The following CADM2 variants were observed in gnomAD, a reference collection of about 807,000 sequenced individuals.
The protein encoded by CADM2 is immunoglobulin superfamily member 4D.
Under a neutral mutation model 49.8 loss-of-function variants are expected in CADM2, and 12 were observed. The observed-to-expected ratio is 0.24, with a 90% CI of 0.15 to 0.39. The LOEUF (loss-of-function observed/expected upper bound fraction) is 0.39. CADM2 is among the 10% of genes least tolerant of loss of function. The probability of loss-of-function intolerance (pLI) is 1.00; values close to 1 mark genes in which losing one functional copy is unlikely to be tolerated. For synonymous variants in CADM2, 214 were observed against 175.4 expected, an observed-to-expected ratio of 1.22 and a Z score of -1.74; for missense variants, 378 against 492.3, an observed-to-expected ratio of 0.77 and a Z score of 2.20.
At chr3:85,097,629 G>A (rs917253406) in intron 1 of CADM2, among the ~76,000 whole-genome samples, 1 of 152,062 alleles carries the variant, frequency 6.6e-6, no homozygotes, top group Non-Finnish European at 1.5e-5. Context: ...GTGTAAAAGT[G>A]TTCCTATTTC....
intron 1 of CADM2, among the ~76,000 whole-genome samples, chr3:85,191,453 C>T (rs1284131398): frequency 6.6e-6 from 1 of 151,972 alleles, no homozygotes; most frequent in African/African-American, 2.4e-5. Context: ...GTCTTCAGTA[C>T]AATGCTTTGA....
intron 1 of CADM2, among the ~76,000 whole-genome samples, chr3:85,230,892 T>C (rs2042271811): frequency 1.3e-5 from 2 of 152,088 alleles, no homozygotes; most frequent in South Asian, 4.1e-4. Context: ...AGGGCTGCCA[T>C]AAGAAAATGC....
intron 1 of CADM2, among the ~76,000 whole-genome samples, chr3:85,564,201 A>AT (rs2062186143): frequency 7.0e-6 from 1 of 142,238 alleles, no homozygotes; most frequent in Non-Finnish European, 1.5e-5. Flanking sequence ...CTCTCTCTCC[A>AT]TTTTAAAAAT....
chr3:84,982,733 A>G (rs1297415048), intron 1 of CADM2, among the ~76,000 whole-genome samples: 4 of 116,650 alleles, frequency 3.4e-5, no homozygotes, highest in Non-Finnish European at 7.2e-5. Flanking sequence ...ATATATATAT[A>G]TACATTTTTT....
intron 1 of CADM2, among the ~76,000 whole-genome samples, chr3:85,717,286 G>A (rs1032339653): frequency 4.5e-4 from 68 of 152,144 alleles, no homozygotes; most frequent in African/African-American, 1.6e-3. Flanking sequence ...TCATGATTTG[G>A]CTCTCTGTTT....
chr3:85,279,426 T>A (rs2043445696), intron 1 of CADM2, among the ~76,000 whole-genome samples: 1 of 151,528 alleles, frequency 6.6e-6, no homozygotes, highest in Non-Finnish European at 1.5e-5. Context: ...ACTCTTCAAA[T>A]GAGATTCAGT....
Position 85,617,073 on chromosome 3 carries a change from A to C in CADM2, c.62-109449A>C, listed in dbSNP as rs73843696. 9.4e-3 allele frequency among the ~76,000 whole-genome samples: 1,434 copies of C among 152,194 alleles called. 29 individuals carry two copies. The highest frequency in any genetic ancestry group is 0.033 in the African/African-American group (1,372 of 41,530). On this transcript the variant is annotated intron_variant, in intron 1 of 9. Transcript: ENST00000383699. ...AGGGAATTTCTCCCCACCAACAAACAAGCAATCAGTTCTTCCGTGGACGCC... is the reference window on the plus strand; with the variant it reads ...AGGGAATTTCTCCCCACCAACAAACCAGCAATCAGTTCTTCCGTGGACGCC...
chr3:85,572,706 CCAGCAGGACTGAAGTTGTCCAAGGA>C (rs1344809903), intron 1 of CADM2, among the ~76,000 whole-genome samples: 11 of 152,270 alleles, frequency 7.2e-5, no homozygotes, highest in Admixed American at 4.6e-4. Context: ...AGTCCAAAGG[CCAGCAGGACTGAAGTTGTCCAAGGA>C]CAGGAGAGAA....
At chr3:85,976,177 T>G (rs1035984836) in intron 8 of CADM2, among the ~76,000 whole-genome samples, 22 of 151,558 alleles carry the variant, frequency 1.5e-4, no homozygotes, top group Non-Finnish European at 2.8e-4. Flanking sequence ...CGGTATCATT[T>G]TACAAGGGAT....
At chr3:85,155,565 G>T (rs1276494667) in intron 1 of CADM2, among the ~76,000 whole-genome samples, 1 of 151,980 alleles carries the variant, frequency 6.6e-6, no homozygotes, top group Non-Finnish European at 1.5e-5. Flanking sequence ...CCCAGGAATT[G>T]AACTCAGCTC....
chr3:85,375,664 C>T (rs946603321), intron 1 of CADM2, among the ~76,000 whole-genome samples: 1 of 152,130 alleles, frequency 6.6e-6, no homozygotes. Context: ...CAAACGAACA[C>T]ATTTTGAATC....
At chr3:85,371,619 C>CTGTG (rs71108284) in intron 1 of CADM2, among the ~76,000 whole-genome samples, 4,686 of 124,414 alleles carry the variant, frequency 0.038, 223 homozygotes, top group African/African-American at 0.097. Context: ...CCACACATCA[C>CTGTG]TGTGTGTGTG....
chr3:85,767,952 T>A (rs1019161419), intron 2 of CADM2, among the ~76,000 whole-genome samples: 1 of 152,146 alleles, frequency 6.6e-6, no homozygotes, highest in African/African-American at 2.4e-5. Context: ...TTTATTAAAA[T>A]CTATACAACA....
At chr3:85,462,903 G>A (rs569996666) in intron 1 of CADM2, among the ~76,000 whole-genome samples, 2 of 152,206 alleles carry the variant, frequency 1.3e-5, no homozygotes, top group East Asian at 3.9e-4. Context: ...TAACCTAGTA[G>A]TTGTAGTTCA....
intron 2 of CADM2, among the ~76,000 whole-genome samples, chr3:85,748,974 G>A (rs935373090): frequency 2.0e-5 from 3 of 152,142 alleles, no homozygotes; most frequent in South Asian, 2.1e-4. Flanking sequence ...GATATCAACA[G>A]TGTCTTTAGA....
rs893703512 is a variant in CADM2, at chr3:85,353,551, GT to G, written c.62-372961del. Reference sequence around the variant, plus strand: ...TTTAGTTGATGGTTTCTTTTTTTTTGTTTTTTTTTTGCAGTGAGTTATTTTA... The same window carrying G: ...TTTAGTTGATGGTTTCTTTTTTTTTGTTTTTTTTTGCAGTGAGTTATTTTA... On this transcript the variant is annotated intron_variant, in intron 1 of 9. Coordinates refer to ENST00000383699, the MANE Select transcript of CADM2 (RefSeq NM_001167675.2). Among the ~76,000 whole-genome samples, 836 of 136,962 alleles carry G rather than the reference GT, an allele frequency of 6.1e-3. 5 individuals are homozygous for G. The highest frequency in any genetic ancestry group is 8.4e-3 in the Non-Finnish European group (528 of 62,534). The allele number at this position is 136,962 out of a possible 152,430, so 89.9% of individuals were successfully genotyped here. A position where few individuals can be genotyped will look rare whatever the true frequency, so the allele number is the denominator to read the frequency against.
At position 85,198,031 on chromosome 3, in the gene CADM2, G is replaced by A. The variant is rs117912422; in HGVS notation, c.61+238363G>A. Reference sequence around the variant, plus strand: ...CTGATATCCTAGCTTGCCCTATTTAGTTACCCAGTGAAGCTAATAATATGG... The same window carrying A: ...CTGATATCCTAGCTTGCCCTATTTAATTACCCAGTGAAGCTAATAATATGG... On this transcript the variant is annotated intron_variant, in intron 1 of 9. Coordinates refer to ENST00000383699, the MANE Select transcript of CADM2 (RefSeq NM_001167675.2). 5.4e-3 allele frequency among the ~76,000 whole-genome samples: 823 copies of A among 151,934 alleles called. 5 individuals are homozygous for A. Among genetic ancestry groups the A allele is most frequent in the Admixed American group, 0.021 (324 of 15,234 alleles).
intron 1 of CADM2, among the ~76,000 whole-genome samples, chr3:85,411,107 T>C (rs2035636189): frequency 1.3e-5 from 2 of 152,152 alleles, no homozygotes; most frequent in South Asian, 4.1e-4. Flanking sequence ...TTACTGTAGG[T>C]TATATATAGA....
At chr3:85,384,468 C>T (rs150642777) in intron 1 of CADM2, among the ~76,000 whole-genome samples, 3 of 152,074 alleles carry the variant, frequency 2.0e-5, no homozygotes, top group African/African-American at 7.2e-5. Flanking sequence ...CCCGCCACCA[C>T]GCCCGGCTAA....
Sources: gnomAD v4.1 joint callset for allele counts (sites outside exome capture counted in the v4.1 genomes callset) on GRCh38, gnomAD v4.1.1 for gene constraint, MANE v1.5 for transcripts, NCBI Gene and HGNC (gene_info 2026-07-23, HGNC 2026-07-21) for gene names.